ADCY5: variants seen among roughly 807,000 people sequenced by gnomAD.
The protein encoded by ADCY5 is adenylate cyclase 5.
In ADCY5, 30 loss-of-function variants were observed where a neutral mutation model predicts 119.7. That is an observed-to-expected ratio of 0.25 (90% CI 0.19 to 0.34). The LOEUF is 0.34. Ranked by LOEUF, ADCY5 falls within the 10% of genes least tolerant of loss-of-function variation. The probability of loss-of-function intolerance (pLI) is 1.00; values close to 1 mark genes in which losing one functional copy is unlikely to be tolerated. For synonymous variants in ADCY5, 753 were observed against 762.2 expected, an observed-to-expected ratio of 0.99 and a Z score of 0.20; for missense variants, 1,324 against 1,775.2, an observed-to-expected ratio of 0.75 and a Z score of 4.57.
chr3:123,421,575 C>T (rs1463379818), intron 1 of ADCY5, among the ~76,000 whole-genome samples: 1 of 152,092 alleles, frequency 6.6e-6, no homozygotes, highest in Non-Finnish European at 1.5e-5. Context: ...GCAATTGCTC[C>T]CTGTACCCTG....
At chr3:123,306,463 G>T (rs1940203794) in intron 12 of ADCY5, among the ~76,000 whole-genome samples, 1 of 152,102 alleles carries the variant, frequency 6.6e-6, no homozygotes, top group Admixed American at 6.5e-5. Context: ...TTGTGACTTT[G>T]GATCAGGCAA....
chr3:123,420,982 T>C (rs1945292356), intron 1 of ADCY5, among the ~76,000 whole-genome samples: 1 of 152,178 alleles, frequency 6.6e-6, no homozygotes, highest in Non-Finnish European at 1.5e-5. Flanking sequence ...TCTGCGTATG[T>C]CTGTCTCTGT....
chr3:123,389,933 T>C (rs749450947), intron 1 of ADCY5, among the ~76,000 whole-genome samples: 1 of 152,112 alleles, frequency 6.6e-6, no homozygotes, highest in Non-Finnish European at 1.5e-5. Flanking sequence ...AAATAGCCCT[T>C]AGCCTTCCTC....
chr3:123,376,295 G>A (rs1943831645), intron 1 of ADCY5, among the ~76,000 whole-genome samples: 1 of 141,186 alleles, frequency 7.1e-6, no homozygotes, highest in South Asian at 2.3e-4. Flanking sequence ...TTCCTGCCAC[G>A]CTCCAAAGGC....
rs1285594410 is a variant in ADCY5 at position 123,449,081 on chromosome 3, G to C, written c.-536C>G. On this transcript the variant is annotated 5_prime_UTR_variant, in exon 1 of 21. Transcript: ENST00000462833. The stretch of plus-strand genomic sequence containing the variant: ...GGGTGCGCTTTCCTCGCAGCGGACT[G>C]GGAGCGACTGGGAGGTGCGGGCGCC... 6.6e-6 allele frequency: 1 copy of C among 152,234 alleles called. No individual in the cohort carries two copies. The highest frequency in any genetic ancestry group is 1.5e-5 in the Non-Finnish European group (1 of 68,162). 9.4% of individuals were successfully genotyped at this position (152,234 alleles called of 1,614,324 possible). A position where few individuals can be genotyped will look rare whatever the true frequency, so the allele number is the denominator to read the frequency against.
chr3:123,308,499 AG>A (rs2108290517), intron 12 of ADCY5, among the ~76,000 whole-genome samples: 1 of 152,280 alleles, frequency 6.6e-6, no homozygotes, highest in African/African-American at 2.4e-5. Context: ...TCTGTATGTC[AG>A]CCCTAAATCT....
intron 1 of ADCY5, among the ~76,000 whole-genome samples, chr3:123,379,149 A>C (rs1225506576): frequency 6.6e-6 from 1 of 152,054 alleles, no homozygotes; most frequent in Non-Finnish European, 1.5e-5. Flanking sequence ...AGTGGATGTG[A>C]ATGTTCACTT....
intron 1 of ADCY5, among the ~76,000 whole-genome samples, chr3:123,420,903 C>T (rs1945290725): frequency 6.6e-6 from 1 of 152,166 alleles, no homozygotes; most frequent in African/African-American, 2.4e-5. Flanking sequence ...TCTCTCCTGG[C>T]TTGTGGTAGC....
At position 123,448,375 on chromosome 3, in the gene ADCY5, G is replaced by C; in HGVS notation, c.171C>G (p.Pro57=). 6.8e-7 allele frequency: 1 copy of C among 1,480,194 alleles called. No homozygotes were observed. Among genetic ancestry groups the C allele is most frequent in the Non-Finnish European group, 8.9e-7 (1 of 1,126,110 alleles). The allele number at this position is 1,480,194 out of a possible 1,614,324, so 91.7% of individuals were successfully genotyped here. A position where few individuals can be genotyped will look rare whatever the true frequency, so the allele number is the denominator to read the frequency against. Residue 57 remains proline, a synonymous_variant, in exon 1 of 21, where the codon CCC becomes CCG. Coordinates refer to ENST00000462833, the MANE Select transcript of ADCY5 (RefSeq NM_183357.3). Reference sequence around the variant, plus strand: ...GCTGCTGCGGGGTCACCGCCCCCCCGGGTTTCTTGGTGGAGCCGCGGGCAG... The same window carrying C: ...GCTGCTGCGGGGTCACCGCCCCCCCCGGTTTCTTGGTGGAGCCGCGGGCAG... ...GGSARGSTKK[P]GGAVTPQQQQ...
intron 19 of ADCY5, chr3:123,287,017 G>A: frequency 1.7e-6 from 1 of 600,604 alleles, no homozygotes; most frequent in Non-Finnish European, 2.7e-6. Context: ...GCCTGCACCT[G>A]TGTCCTCGAC....
intron 10 of ADCY5, 51 bp downstream of exon 10, chr3:123,319,623 T>A (rs747980720): frequency 6.9e-5 from 111 of 1,599,040 alleles, no homozygotes; most frequent in Non-Finnish European, 9.1e-5. Context: ...GCCCTCCTCC[T>A]CCTGGTCCTG....
At chr3:123,347,936 G>T (rs768792307) in intron 2 of ADCY5, 33 bp from the exon 3 acceptor site, 38 of 1,612,122 alleles carry the variant, frequency 2.4e-5, no homozygotes, top group South Asian at 1.1e-5. Context: ...TCATCACCAC[G>T]CCTTCTACCT....
intron 1 of ADCY5, among the ~76,000 whole-genome samples, chr3:123,439,076 C>CTTTTTTTTTTTTTTCTTTT (rs57503913): frequency 1.5e-5 from 1 of 64,728 alleles, no homozygotes; most frequent in African/African-American, 6.5e-5. Flanking sequence ...CCCTAAAGTG[C>CTTTTTTTTTTTTTTCTTTT]TTTTTTTTTT....
Position 123,291,101 on chromosome 3 carries a change from C to G in ADCY5, c.3327+12G>C. 1 of 1,604,280 alleles carries G rather than the reference C, an allele frequency of 6.2e-7. No individual in the cohort carries two copies. The highest frequency in any genetic ancestry group is 8.5e-7 in the Non-Finnish European group (1 of 1,173,896). On this transcript the variant is annotated intron_variant, in intron 18 of 20. Transcript: ENST00000462833. The stretch of plus-strand genomic sequence containing the variant: ...CCCAGGAACACAGCCTGACCCAGGC[C>G]CCGCTGTGCACCTCATCAAAGTCAG...
At chr3:123,362,901 T>C (rs901332342) in intron 1 of ADCY5, among the ~76,000 whole-genome samples, 1 of 152,024 alleles carries the variant, frequency 6.6e-6, no homozygotes, top group Non-Finnish European at 1.5e-5. Context: ...CCCAGCACTT[T>C]GGGAGGCTGA....
In ADCY5 at chr3:123,319,814, C is replaced by T. The variant is rs376898099; in HGVS notation, c.2116G>A (p.Ala706Thr). The change falls in exon 10 of 21, where the codon GCC (alanine) becomes ACC (threonine). Residue 706 changes from alanine to threonine, a missense_variant. Physicochemically the swap from Ala to Thr is moderately conservative, Grantham distance 58. This residue lies in a region of ADCY5 where 424 missense variants were observed against 546.8 expected (regional missense o/e 0.78). Transcript: ENST00000462833. The part of the protein sequence containing the change: ...MGFEDPKDKN[A>T]QESANPEDEV... ...TCCTCAGGGTTCGCACTCTCCTGGG[C>T]GTTCCTGGGGAGCAGAAGGCACGGG... 3.3e-5 allele frequency: 53 copies of T among 1,613,684 alleles called. No homozygotes were observed. Among genetic ancestry groups the T allele is most frequent in the Admixed American group, 2.7e-4 (16 of 60,000 alleles).
chr3:123,361,382 G>A (rs781597570), intron 1 of ADCY5, among the ~76,000 whole-genome samples: 7 of 152,086 alleles, frequency 4.6e-5, no homozygotes, highest in African/African-American at 9.7e-5. Context: ...ATTCAGTAGC[G>A]TTTAGTGTAT....
chr3:123,405,823 T>G (rs187071314), intron 1 of ADCY5, among the ~76,000 whole-genome samples: 1 of 152,036 alleles, frequency 6.6e-6, no homozygotes, highest in Non-Finnish European at 1.5e-5. Flanking sequence ...TTAGTAGAGA[T>G]GGGGTTTCAC....
At chr3:123,447,321 C>G in intron 1 of ADCY5, 91 bp downstream of exon 1, 1 of 1,330,310 alleles carries the variant, frequency 7.5e-7, no homozygotes, top group Non-Finnish European at 9.9e-7. Context: ...TTTCACCATT[C>G]GAAAGGGTGA....
Sources: allele counts gnomAD v4.1 joint callset (sites outside exome capture counted in the v4.1 genomes callset), GRCh38; gene constraint gnomAD v4.1.1; regional missense constraint gnomAD v4.1.1; transcripts MANE v1.5; gene names NCBI Gene and HGNC (gene_info 2026-07-23, HGNC 2026-07-21).